Variants in ECE1 observed in about 807,000 individuals in gnomAD.
ECE1 encodes endothelin-converting enzyme 1.
In ECE1, 35 loss-of-function variants were observed where a neutral mutation model predicts 98.6. The ratio of observed to expected loss-of-function variants is 0.35; its 90% confidence interval spans 0.27 to 0.47. ECE1 has a LOEUF of 0.47. Among genes scored for constraint, ECE1 ranks in the 20% least tolerant of loss-of-function variants. ECE1 has a pLI of 1.00. For missense variants in ECE1, 814 were observed against 1,025.3 expected, an observed-to-expected ratio of 0.79 and a Z score of 2.81; for synonymous variants, 394 against 407.1, an observed-to-expected ratio of 0.97 and a Z score of 0.39.
intron 2 of ECE1, among the ~76,000 whole-genome samples, chr1:21,285,844 T>C (rs138373017): frequency 0.042 from 6,400 of 151,954 alleles, 411 homozygotes; most frequent in African/African-American, 0.14. Context: ...ATACAAAAAT[T>C]AGTCACGCAT....
At chr1:21,251,211 G>A (rs1226847995) in intron 8 of ECE1, among the ~76,000 whole-genome samples, 2 of 151,406 alleles carry the variant, frequency 1.3e-5, no homozygotes, top group Non-Finnish European at 2.9e-5. Context: ...GTGGCGTGCT[G>A]GTAAACAGTT....
chr1:21,268,169 C>T (rs28367969), intron 4 of ECE1, among the ~76,000 whole-genome samples: 11,907 of 152,206 alleles, frequency 0.078, 635 homozygotes, highest in Middle Eastern at 0.13. Flanking sequence ...AGAAAAGTCT[C>T]GGAGGCTTTG....
At position 21,259,001 on chromosome 1, in the gene ECE1, G is replaced by C. The variant is rs28367981; in HGVS notation, c.616-162C>G. Among the ~76,000 whole-genome samples the C allele has an allele frequency of 2.7e-3, 406 of 152,202 alleles. 3 individuals carry two copies. Among genetic ancestry groups the C allele is most frequent in the African/African-American group, 9.4e-3 (390 of 41,528 alleles). On this transcript the variant is annotated intron_variant, in intron 5 of 18. Transcript: ENST00000374893. ...GGATTGGTCTTCATCGGGGGTTTCCGACCCATGAGCTGGAGACCCATGGAT... is the reference window on the plus strand; with the variant it reads ...GGATTGGTCTTCATCGGGGGTTTCCCACCCATGAGCTGGAGACCCATGGAT...
At chr1:21,244,688 A>C (rs1222365891) in intron 10 of ECE1, among the ~76,000 whole-genome samples, 1 of 152,196 alleles carries the variant, frequency 6.6e-6, no homozygotes, top group Non-Finnish European at 1.5e-5. Flanking sequence ...CCGGGGAAGA[A>C]GTAATACTAT....
intron 11 of ECE1, among the ~76,000 whole-genome samples, chr1:21,237,412 G>A (rs1340644895): frequency 6.6e-6 from 1 of 152,184 alleles, no homozygotes; most frequent in Non-Finnish European, 1.5e-5. Context: ...CAAGAGCAGA[G>A]GGGCCAGCAG....
intron 1 of ECE1, among the ~76,000 whole-genome samples, chr1:21,321,692 T>C (rs112574155): frequency 0.052 from 7,951 of 152,214 alleles, 718 homozygotes; most frequent in African/African-American, 0.18. Flanking sequence ...CTCGGCTCAC[T>C]GCAACCTCTG....
intron 1 of ECE1, among the ~76,000 whole-genome samples, chr1:21,326,642 G>C (rs751587258): frequency 1.3e-5 from 2 of 152,096 alleles, no homozygotes; most frequent in Non-Finnish European, 2.9e-5. Context: ...GGATGGTTTG[G>C]AGCAGCGTAG....
At chr1:21,259,526 G>A (rs138456802) in intron 5 of ECE1, among the ~76,000 whole-genome samples, 1 of 152,126 alleles carries the variant, frequency 6.6e-6, no homozygotes, top group East Asian at 1.9e-4. Context: ...TCAGCCTCCC[G>A]AGAAAGTTGG....
At chr1:21,317,009 G>T (rs1007181722) in intron 1 of ECE1, among the ~76,000 whole-genome samples, 13 of 152,126 alleles carry the variant, frequency 8.5e-5, no homozygotes, top group African/African-American at 3.1e-4. Flanking sequence ...AGTCACTGAA[G>T]AGTCTCTCCC....
At chr1:21,237,941 GAA>G (rs1256391605) in intron 11 of ECE1, among the ~76,000 whole-genome samples, 191 bp downstream of exon 11, 1 of 152,242 alleles carries the variant, frequency 6.6e-6, no homozygotes, top group African/African-American at 2.4e-5. Flanking sequence ...GCCTGGCACT[GAA>G]GAGCTGCCCT....
intron 4 of ECE1, among the ~76,000 whole-genome samples, chr1:21,265,401 G>A (rs947590197): frequency 7.2e-5 from 11 of 152,078 alleles, no homozygotes; most frequent in African/African-American, 1.7e-4. Flanking sequence ...GTGTGGTGGC[G>A]GGTGCTTGTA....
chr1:21,221,676 G>T, intron 18 of ECE1, 71 bp downstream of exon 18: 2 of 1,520,558 alleles, frequency 1.3e-6, no homozygotes, highest in Non-Finnish European at 1.8e-6. Flanking sequence ...TTGCCTTTCG[G>T]CTCTCTGGGC....
chr1:21,260,307 C>A lies in ECE1; in HGVS notation c.579G>T (p.Glu193Asp). Residue 193 changes from glutamate (E) to aspartate (D), a missense_variant, in exon 5 of 19, where the codon GAG becomes GAT. Transcript: ENST00000374893. The surrounding 1 kb of genome is among the most constrained non-coding windows in gnomAD (Gnocchi z 4.3). ...RACMNETRIE[E>D]LRAKPLMELI... is the part of the protein sequence containing the mutation. The stretch of plus-strand genomic sequence containing the variant: ...ACTCCATTAGAGGTTTGGCCCTGAG[C>A]TCCTCGATCCTGGTCTCGTTCATGC... 1.2e-6 allele frequency: 2 copies of A among 1,614,242 alleles called. No individual in the cohort carries two copies. Among genetic ancestry groups the A allele is most frequent in the Non-Finnish European group, 1.7e-6 (2 of 1,180,044 alleles).
At chr1:21,262,042 C>T (rs1268660693) in intron 4 of ECE1, among the ~76,000 whole-genome samples, 2 of 152,184 alleles carry the variant, frequency 1.3e-5, no homozygotes, top group African/African-American at 4.8e-5. Flanking sequence ...CTCCCTGCCC[C>T]CCGATCCTCA....
chr1:21,256,512 T>C (rs604346), intron 7 of ECE1, among the ~76,000 whole-genome samples: 15,529 of 151,020 alleles, frequency 0.1, 939 homozygotes, highest in South Asian at 0.17. Flanking sequence ...GCCCAGATTG[T>C]GCGCCATGGC....
At chr1:21,309,131 C>T (rs561118936) in intron 1 of ECE1, among the ~76,000 whole-genome samples, 233 of 152,322 alleles carry the variant, frequency 1.5e-3, no homozygotes, top group Non-Finnish European at 1.7e-3. Flanking sequence ...CTCAGGCACA[C>T]TGGGGTTCCA....
In ECE1 at chr1:21,279,358, G is replaced by A. The variant is rs760477861; in HGVS notation, c.139-26C>T. The A allele has an allele frequency of 5.6e-6, 9 of 1,613,982 alleles. 1 individual carries two copies. Among genetic ancestry groups the A allele is most frequent in the South Asian group, 2.2e-5 (2 of 91,084 alleles). On this transcript the variant is annotated intron_variant, in intron 2 of 18. Coordinates refer to ENST00000374893, the MANE Select transcript of ECE1 (RefSeq NM_001397.3). ...CTGCAGGGAAGGAGGCAGGAGGGGCGGGGAAGACGTGAGCCCCGGGCCCCG... is the reference window on the plus strand; with the variant it reads ...CTGCAGGGAAGGAGGCAGGAGGGGCAGGGAAGACGTGAGCCCCGGGCCCCG...
At chr1:21,315,871 G>A (rs1638820511) in intron 1 of ECE1, among the ~76,000 whole-genome samples, 1 of 150,514 alleles carries the variant, frequency 6.6e-6, no homozygotes, top group African/African-American at 2.5e-5. Flanking sequence ...CACTCCCTCT[G>A]TCTACACAGG....
intron 10 of ECE1, among the ~76,000 whole-genome samples, chr1:21,239,900 G>A (rs774372755): frequency 6.6e-6 from 1 of 152,126 alleles, no homozygotes; most frequent in African/African-American, 2.4e-5. Flanking sequence ...GCCAAGTGTG[G>A]TGGCTCATGC....
Sources: gnomAD v4.1 joint callset for allele counts (sites outside exome capture counted in the v4.1 genomes callset) on GRCh38, gnomAD v4.1.1 for gene constraint, Gnocchi (gnomAD v3.1) non-coding constraint, MANE v1.5 for transcripts, NCBI Gene and HGNC (gene_info 2026-07-23, HGNC 2026-07-21) for gene names.